The following AFF2 variants were observed in gnomAD, a reference collection of about 807,000 sequenced individuals.
The protein encoded by AFF2 is ALF transcription elongation factor 2.
Under a neutral mutation model 76.9 loss-of-function variants are expected in AFF2, and 14 were observed. The ratio of observed to expected loss-of-function variants is 0.18; its 90% CI spans 0.12 to 0.28. The LOEUF is 0.28. AFF2 is among the 10% of genes least tolerant of loss of function. AFF2 has a pLI of 1.00. For synonymous variants in AFF2, 398 were observed against 366.7 expected, an observed-to-expected ratio of 1.09 and a Z score of -0.98; for missense variants, 868 against 1,001.1, an observed-to-expected ratio of 0.87 and a Z score of 1.79.
intron 16 of AFF2, among the ~76,000 whole-genome samples, chrX:148,976,876 A>G (rs782330768): frequency 7.1e-5 from 8 of 112,711 alleles, no homozygotes; most frequent in Admixed American, 4.7e-4. Flanking sequence ...CCCACGTTAA[A>G]TGTACAAGTG....
At chrX:148,510,249 G>A (rs1368449700) in intron 1 of AFF2, among the ~76,000 whole-genome samples, 1 of 111,732 alleles carries the variant, frequency 8.9e-6, no homozygotes, top group East Asian at 2.8e-4. Context: ...ACCTAAAAAC[G>A]GTATTAATAG....
intron 1 of AFF2, among the ~76,000 whole-genome samples, chrX:148,611,131 G>A (rs1164522513): frequency 1.2e-4 from 13 of 111,956 alleles, no homozygotes; most frequent in Non-Finnish European, 1.9e-4. Flanking sequence ...GGAAAGTTGG[G>A]CTAGATTTTC....
intron 1 of AFF2, among the ~76,000 whole-genome samples, chrX:148,530,062 T>C (rs1258553588): frequency 7.2e-5 from 8 of 111,165 alleles, no homozygotes; most frequent in Non-Finnish European, 3.8e-5. Flanking sequence ...GACAGGTTAA[T>C]ATGTGAAGGG....
chrX:148,824,085 T>TCTCTCTCTCTCTCTC (rs2070359494), intron 4 of AFF2, among the ~76,000 whole-genome samples: 1 of 47,436 alleles, frequency 2.1e-5, no homozygotes, highest in African/African-American at 1.2e-4. Context: ...CTCTCTCTCT[T>TCTCTCTCTCTCTCTC]CCTCTCTCAC....
intron 13 of AFF2, among the ~76,000 whole-genome samples, chrX:148,964,512 A>T (rs1395539433): frequency 2.7e-5 from 3 of 112,044 alleles, no homozygotes; most frequent in African/African-American, 9.8e-5. Context: ...CCTTTAAGAC[A>T]TTATGCTAAG....
At chrX:148,822,969 T>C (rs1356925760) in intron 4 of AFF2, among the ~76,000 whole-genome samples, 1 of 111,449 alleles carries the variant, frequency 9.0e-6, no homozygotes, top group Non-Finnish European at 1.9e-5. Flanking sequence ...ACTCCCTTAC[T>C]ACTTCTCAGG....
At chrX:148,871,818 G>A (rs1446476721) in intron 7 of AFF2, among the ~76,000 whole-genome samples, 2 of 111,442 alleles carry the variant, frequency 1.8e-5, no homozygotes, top group African/African-American at 6.5e-5. Flanking sequence ...TGTCTCTCCT[G>A]GAAAAGACAA....
intron 7 of AFF2, among the ~76,000 whole-genome samples, chrX:148,847,740 A>G (rs1258099375): frequency 9.0e-6 from 1 of 111,653 alleles, no homozygotes; most frequent in Non-Finnish European, 1.9e-5. Flanking sequence ...AGGGCACTAT[A>G]CTATCACAGG....
At chrX:148,868,922 C>G (rs2070939612) in intron 7 of AFF2, among the ~76,000 whole-genome samples, 1 of 112,342 alleles carries the variant, frequency 8.9e-6, no homozygotes, top group Admixed American at 9.4e-5. Context: ...GCCCTCATGG[C>G]CTAGTCACCT....
chrX:148,818,478 C>T (rs1685701114), intron 4 of AFF2, among the ~76,000 whole-genome samples: 1 of 111,945 alleles, frequency 8.9e-6, no homozygotes, highest in African/African-American at 3.2e-5. Context: ...ATGTCACAGA[C>T]GTTTGTGTTC....
intron 3 of AFF2, among the ~76,000 whole-genome samples, chrX:148,765,279 C>T (rs1267150123): frequency 2.7e-5 from 3 of 111,621 alleles, no homozygotes; most frequent in Non-Finnish European, 5.7e-5. Flanking sequence ...AGCTTCCAGT[C>T]TCTTCAGTAG....
intron 1 of AFF2, among the ~76,000 whole-genome samples, chrX:148,548,865 C>T (rs2052958330): frequency 8.9e-6 from 1 of 112,543 alleles, no homozygotes; most frequent in South Asian, 3.6e-4. Flanking sequence ...GATAAAAATA[C>T]AATCTTTTTG....
chrX:148,863,328 G>A (rs1296419658), intron 7 of AFF2, among the ~76,000 whole-genome samples: 1 of 111,740 alleles, frequency 8.9e-6, no homozygotes, highest in Non-Finnish European at 1.9e-5. Flanking sequence ...CTGAGAGGCT[G>A]GTACAAAAGT....
At chrX:148,724,804 C>T (rs186698348) in intron 3 of AFF2, among the ~76,000 whole-genome samples, 5 of 112,414 alleles carry the variant, frequency 4.4e-5, no homozygotes, top group East Asian at 5.6e-4. Context: ...AAGGAGCTAA[C>T]GCTAAGCGCT....
rs1226785654 is a variant in AFF2 at position 148,568,108 on chromosome X, A to G, written c.47+66964A>G. On this transcript the variant is annotated intron_variant, in intron 1 of 20. Coordinates refer to ENST00000370460, the MANE Select transcript of AFF2 (RefSeq NM_002025.4). The stretch of plus-strand genomic sequence containing the variant: ...TTGCAGTCCACAGTCACTCAGCATC[A>G]TAGAGCCAGAAAGGTTTTTAAAGGA... Among the ~76,000 whole-genome samples the G allele has an allele frequency of 2.7e-5, 3 of 111,289 alleles. No individual in the cohort carries two copies. The Admixed American group carries it at 2.9e-4, about 11-fold the overall frequency.
At chrX:148,617,280 A>G (rs2053819795) in intron 1 of AFF2, among the ~76,000 whole-genome samples, 1 of 111,712 alleles carries the variant, frequency 9.0e-6, no homozygotes, top group Non-Finnish European at 1.9e-5. Context: ...CCGGTGTGAG[A>G]TGGTATCTCA....
intron 1 of AFF2, among the ~76,000 whole-genome samples, chrX:148,569,812 A>G (rs1209813446): frequency 2.7e-5 from 3 of 111,846 alleles, no homozygotes; most frequent in African/African-American, 9.7e-5. Context: ...TGAAATTATT[A>G]TGCAATAAAA....
intron 4 of AFF2, among the ~76,000 whole-genome samples, chrX:148,819,270 A>G (rs782674224): frequency 5.4e-5 from 6 of 111,219 alleles, no homozygotes; most frequent in African/African-American, 2.0e-4. Context: ...TTTTGCATGA[A>G]CACATGTTTT....
intron 1 of AFF2, among the ~76,000 whole-genome samples, chrX:148,530,694 A>T (rs782667318): frequency 9.0e-6 from 1 of 111,578 alleles, no homozygotes; most frequent in African/African-American, 3.3e-5. Flanking sequence ...TCATTCTCGA[A>T]TTTTTTAAGA....
Sources: allele counts gnomAD v4.1 joint callset (sites outside exome capture counted in the v4.1 genomes callset), GRCh38; gene constraint gnomAD v4.1.1; transcripts MANE v1.5; gene names NCBI Gene and HGNC (gene_info 2026-07-23, HGNC 2026-07-21).